Variants in GSN observed in about 807,000 individuals in gnomAD.
GSN encodes actin-depolymerizing factor.
In GSN, 56 loss-of-function variants were observed where a neutral mutation model predicts 85.7. The ratio of observed to expected loss-of-function variants is 0.65; its 90% CI spans 0.53 to 0.82. The LOEUF (loss-of-function observed/expected upper bound fraction) is 0.82, where lower values mean the gene tolerates loss of function less well. Ranked by LOEUF, GSN falls within the 40% of genes least tolerant of loss-of-function variation. The pLI is 0.00. For synonymous variants in GSN, 373 were observed against 399.1 expected (o/e 0.93, Z 0.78); for missense variants, 857 against 979.8 (o/e 0.87, Z 1.67).
At chr9:121,294,086 C>T (rs1472652113) in intron 2 of GSN, among the ~76,000 whole-genome samples, 1 of 152,154 alleles carries the variant, frequency 6.6e-6, no homozygotes, top group Non-Finnish European at 1.5e-5. Context: ...TTGGAAAGTC[C>T]TTCCTCTGCA....
At chr9:121,292,134 C>T (rs975376060) in intron 2 of GSN, among the ~76,000 whole-genome samples, 15 of 152,254 alleles carry the variant, frequency 9.9e-5, no homozygotes, top group African/African-American at 3.6e-4. Context: ...TGGGTTTAAG[C>T]TATCCTCCTG....
chr9:121,215,223 C>A lies in GSN; in HGVS notation c.-528+4356C>A, dbSNP rs538306690. Among the ~76,000 whole-genome samples, 717 of 150,282 alleles carry A rather than the reference C, an allele frequency of 4.8e-3. 5 individuals carry two copies. Among genetic ancestry groups the A allele is most frequent in the African/African-American group, 0.016 (666 of 40,990 alleles). On this transcript the variant is annotated intron_variant, in intron 4 of 24. Coordinates refer to the GSN transcript ENST00000373823. ...GTCATATTGAATTAAGGACCCCCCC[C>A]CCCACACTCATATATGACCCATCTT...
In GSN at chr9:121,321,266, A is replaced by C; in HGVS notation, c.1192-2A>C. The C allele has an allele frequency of 6.2e-7, 1 of 1,614,094 alleles. No homozygotes were observed. The highest frequency in any genetic ancestry group is 8.5e-7 in the Non-Finnish European group (1 of 1,180,018). ...CATCTGACTCCAGCTTTGCTCCTGC[A>C]GATCTGGAGAATCGAAGGTTCCAAC... On this transcript the variant is annotated splice_acceptor_variant, in intron 10 of 17. Transcript: ENST00000432226. LOFTEE classifies it high-confidence loss of function.
intron 10 of GSN, among the ~76,000 whole-genome samples, chr9:121,320,897 G>A (rs12376078): frequency 0.063 from 9,571 of 152,158 alleles, 371 homozygotes; most frequent in East Asian, 0.16. Context: ...GGCTAAGAGT[G>A]GTTAAGCCAG....
At chr9:121,207,605 A>G (rs922285502), upstream of GSN, among the ~76,000 whole-genome samples, 1 of 152,196 alleles carries the variant, frequency 6.6e-6, no homozygotes, top group Non-Finnish European at 1.5e-5. Flanking sequence ...ATCTCCCAAC[A>G]GGGGCAGGAT....
At chr9:121,228,304 T>A (rs148463386) in intron 4 of GSN, among the ~76,000 whole-genome samples, 523 of 151,416 alleles carry the variant, frequency 3.5e-3, no homozygotes, top group African/African-American at 0.012. Context: ...TTTACTTATT[T>A]GATCTTGGAT....
intron 6 of GSN, among the ~76,000 whole-genome samples, chr9:121,262,847 T>C (rs993133184): frequency 1.3e-4 from 20 of 152,266 alleles, no homozygotes; most frequent in African/African-American, 4.8e-4. Flanking sequence ...AACCCTCTCT[T>C]GAGTCCTCCC....
chr9:121,296,779 C>T (rs1378710832), intron 2 of GSN, among the ~76,000 whole-genome samples: 1 of 152,204 alleles, frequency 6.6e-6, no homozygotes, highest in Non-Finnish European at 1.5e-5. Context: ...GCATCATGGT[C>T]TCCACTCATC....
In GSN at chr9:121,329,405, A is replaced by C; in HGVS notation, c.1965+90A>C. 1 of 845,366 alleles carries C rather than the reference A, an allele frequency of 1.2e-6. No homozygotes were observed. The highest frequency in any genetic ancestry group is 1.7e-5 in the Admixed American group (1 of 57,156). The allele number at this position is 845,366 out of a possible 1,614,324, so 52.4% of individuals were successfully genotyped here. ...CTATGATCAGTTGCTAGAAGGACCT[A>C]AAGGGGGCAGTGCCAGGTGTTGCCA... On this transcript the variant is annotated intron_variant, in intron 16 of 17. Transcript: ENST00000432226. This position sits in a 1 kb window ranked among gnomAD's most constrained non-coding sequence, Gnocchi z 4.6.
chr9:121,327,572 C>A (rs1233424369), intron 14 of GSN, 90 bp downstream of exon 14: 5 of 1,039,306 alleles, frequency 4.8e-6, no homozygotes, highest in Non-Finnish European at 6.9e-6. Flanking sequence ...TCTAAATCCT[C>A]CCCTCCATCC....
At chr9:121,310,236 A>C in intron 4 of GSN, 1 of 274,814 alleles carries the variant, frequency 3.6e-6, no homozygotes, top group Non-Finnish European at 7.1e-6. Context: ...AGGGTGAGTG[A>C]GAAGCATTCC....
rs1053763119 is a variant in GSN, at chr9:121,329,415, G to A, written c.1965+100G>A. On this transcript the variant is annotated intron_variant, in intron 16 of 17. Transcript: ENST00000432226. The surrounding 1 kb of genome is among the most constrained non-coding windows in gnomAD (Gnocchi z 4.6). ...TTGCTAGAAGGACCTAAAGGGGGCA[G>A]TGCCAGGTGTTGCCAGAAAAGTCTC... 2 of 797,070 alleles carry A rather than the reference G, an allele frequency of 2.5e-6. No individual in the cohort carries two copies. Among genetic ancestry groups the A allele is most frequent in the Admixed American group, 3.6e-5 (2 of 55,092 alleles). The allele number at this position is 797,070 out of a possible 1,614,324, so 49.4% of individuals were successfully genotyped here.
At chr9:121,285,881 G>A (rs2058007716) in intron 2 of GSN, among the ~76,000 whole-genome samples, 2 of 152,200 alleles carry the variant, frequency 1.3e-5, no homozygotes, top group Admixed American at 1.3e-4. Flanking sequence ...ATCAGCAGTA[G>A]GCAGGCAGGT....
chr9:121,310,240 G>C (rs1350440905), intron 4 of GSN: 1 of 279,162 alleles, frequency 3.6e-6, no homozygotes, highest in Non-Finnish European at 7.0e-6. Context: ...TGAGTGAGAA[G>C]CATTCCCTAT....
chr9:121,281,373 G>A, intron 1 of GSN, 97 bp from the exon 2 acceptor site: 1 of 352,670 alleles, frequency 2.8e-6, no homozygotes, highest in Non-Finnish European at 5.7e-6. Flanking sequence ...GTGACCCCTG[G>A]TGGAGGGGAG....
chr9:121,295,477 GAAC>G (rs1189330888), intron 2 of GSN, among the ~76,000 whole-genome samples: 4 of 152,338 alleles, frequency 2.6e-5, no homozygotes, highest in South Asian at 2.1e-4. Context: ...GGAAAATCAA[GAAC>G]AACAGTGTTT....
chr9:121,206,766 T>C (rs1335457260), upstream of GSN, among the ~76,000 whole-genome samples: 2 of 152,152 alleles, frequency 1.3e-5, no homozygotes, highest in Non-Finnish European at 2.9e-5. Context: ...GTTTGTTTGT[T>C]TGTTTCGAGA....
chr9:121,257,968 A>G (rs1404804152), intron 6 of GSN, among the ~76,000 whole-genome samples: 2 of 152,252 alleles, frequency 1.3e-5, no homozygotes, highest in African/African-American at 4.8e-5. Context: ...GGCAACATGG[A>G]AAAATGTTTG....
intron 5 of GSN, among the ~76,000 whole-genome samples, chr9:121,243,588 G>T (rs1588467435): frequency 6.6e-6 from 1 of 152,044 alleles, no homozygotes; most frequent in Admixed American, 6.5e-5. Flanking sequence ...CATTTTTGAG[G>T]GGGGTGGGAG....
Sources: allele counts gnomAD v4.1 joint callset (sites outside exome capture counted in the v4.1 genomes callset), GRCh38; gene constraint gnomAD v4.1.1; non-coding constraint Gnocchi (gnomAD v3.1); transcripts MANE v1.5; gene names NCBI Gene and HGNC (gene_info 2026-07-23, HGNC 2026-07-21).